PHACTR2: variants seen among roughly 807,000 people sequenced by gnomAD.
The protein encoded by PHACTR2 is phosphatase and actin regulator 2.
PHACTR2 carries 30 observed loss-of-function variants against 76.0 expected under a neutral mutation model. The observed-to-expected ratio is 0.39, with a 90% CI of 0.30 to 0.54. The LOEUF (loss-of-function observed/expected upper bound fraction) is 0.54, where lower values mean the gene tolerates loss of function less well. PHACTR2 is among the 20% of genes least tolerant of loss of function. The probability of loss-of-function intolerance (pLI) is 0.61; values close to 1 mark genes in which losing one functional copy is unlikely to be tolerated. For synonymous variants in PHACTR2, 292 were observed against 292.5 expected, an observed-to-expected ratio of 1.00 and a Z score of 0.02; for missense variants, 696 against 781.1, an observed-to-expected ratio of 0.89 and a Z score of 1.30.
chr6:143,631,813 AG>A lies in PHACTR2; in HGVS notation c.13+23492del, dbSNP rs1776367955. Among the ~76,000 whole-genome samples the A allele has an allele frequency of 2.0e-5, 3 of 152,228 alleles. No individual in the cohort carries two copies. The South Asian group carries it at 6.2e-4, about 32-fold the overall frequency. On this transcript the variant is annotated intron_variant, in intron 1 of 11. Coordinates refer to the PHACTR2 transcript ENST00000305766. ...GGACACACTCTAGAAAACATCATTA[AG>A]AGACAAGCAGAGTAGAAAGAGACAA... is the stretch of plus-strand genomic sequence containing the variant.
intron 1 of PHACTR2, among the ~76,000 whole-genome samples, chr6:143,637,498 A>G (rs1319188346): frequency 2.0e-5 from 3 of 152,242 alleles, no homozygotes; most frequent in Admixed American, 6.5e-5. Flanking sequence ...TTCATTTTCT[A>G]TGTTGCATAA....
Position 143,742,344 on chromosome 6 carries a change from T to G in PHACTR2, c.215-6641T>G, listed in dbSNP as rs998885474. Among the ~76,000 whole-genome samples, 5 of 152,184 alleles carry G rather than the reference T, an allele frequency of 3.3e-5. No individual in the cohort carries two copies. Among genetic ancestry groups the G allele is most frequent in the Admixed American group, 1.3e-4 (2 of 15,274 alleles). ...TTTCCTCCCTGTTGGCTTTTGTTGT[T>G]GTTGTGGTTGTTAACTTCAGTTCTC... On this transcript the variant is annotated intron_variant, in intron 2 of 12. Coordinates refer to ENST00000440869, the MANE Select transcript of PHACTR2 (RefSeq NM_001100164.2). This position sits in a 1 kb window ranked among gnomAD's most constrained non-coding sequence, Gnocchi z 4.5.
intron 1 of PHACTR2, among the ~76,000 whole-genome samples, chr6:143,636,005 C>T (rs948022017): frequency 3.9e-5 from 6 of 152,056 alleles, no homozygotes; most frequent in African/African-American, 1.4e-4. Context: ...GCCAGGAGTT[C>T]GAGGCCAGCC....
At position 143,811,790 on chromosome 6, in the gene PHACTR2, T is replaced by C. The variant is rs148751727; in HGVS notation, c.1922+4657T>C. ...TTCAAGCTGTTTTCAGTAATTCTTT[T>C]AAGGGGAAAAAGTTCTGGTAATCAC... On this transcript the variant is annotated intron_variant, in intron 12 of 12. Transcript: ENST00000440869. This position sits in a 1 kb window ranked among gnomAD's most constrained non-coding sequence, Gnocchi z 4.1. 1.2e-4 allele frequency among the ~76,000 whole-genome samples: 18 copies of C among 152,316 alleles called. No individual in the cohort carries two copies. In the East Asian group the frequency reaches 3.5e-3, roughly 29 times the overall value.
intron 6 of PHACTR2, among the ~76,000 whole-genome samples, chr6:143,771,734 G>A (rs1291709286): frequency 1.3e-5 from 2 of 152,156 alleles, no homozygotes; most frequent in African/African-American, 4.8e-5. Flanking sequence ...ACCGAACCCA[G>A]CCATATATTA....
At chr6:143,604,993 G>GTT (rs72329149), upstream of PHACTR2, among the ~76,000 whole-genome samples, 2,403 of 147,614 alleles carry the variant, frequency 0.016, 42 homozygotes, top group East Asian at 0.091. Context: ...TGCTAATAGG[G>GTT]TTTTTTTTTT....
chr6:143,724,379 G>A (rs537861969), intron 2 of PHACTR2, among the ~76,000 whole-genome samples: 5 of 152,066 alleles, frequency 3.3e-5, no homozygotes, highest in African/African-American at 4.8e-5. Context: ...TGATCCACCC[G>A]CCTCAGCCTC....
At chr6:143,719,632 G>A (rs1273507595) in intron 2 of PHACTR2, among the ~76,000 whole-genome samples, 1 of 149,848 alleles carries the variant, frequency 6.7e-6, no homozygotes, top group African/African-American at 2.5e-5. Flanking sequence ...TTACAGGCGT[G>A]AGCAACCGTG....
At position 143,705,539 on chromosome 6, in the gene PHACTR2, G is replaced by C. The variant is rs112679292; in HGVS notation, c.47-6477G>C. Reference sequence around the variant, plus strand: ...TCGATCTCCTGACCTCGCGTGATCTGCCCACCTCAGCCTTCCAAAGTGCTG... The same window carrying C: ...TCGATCTCCTGACCTCGCGTGATCTCCCCACCTCAGCCTTCCAAAGTGCTG... On this transcript the variant is annotated intron_variant, in intron 1 of 12. Coordinates refer to ENST00000440869, the MANE Select transcript of PHACTR2 (RefSeq NM_001100164.2). 8.5e-3 allele frequency among the ~76,000 whole-genome samples: 1,290 copies of C among 152,160 alleles called. 22 individuals carry two copies. Among genetic ancestry groups the C allele is most frequent in the African/African-American group, 0.029 (1,208 of 41,514 alleles).
At chr6:143,745,898 C>T (rs188098997) in intron 2 of PHACTR2, among the ~76,000 whole-genome samples, 2 of 152,304 alleles carry the variant, frequency 1.3e-5, no homozygotes, top group East Asian at 3.9e-4. Flanking sequence ...GCTGCTGCTT[C>T]AAAGCTCCAG....
At chr6:143,715,527 G>A (rs1199898547) in intron 2 of PHACTR2, among the ~76,000 whole-genome samples, 1 of 152,196 alleles carries the variant, frequency 6.6e-6, no homozygotes, top group Non-Finnish European at 1.5e-5. Context: ...TGGTCTAAAT[G>A]TATTTCTGTG....
chr6:143,818,324 C>T lies in PHACTR2; in HGVS notation c.1923-5350C>T, dbSNP rs554127021. Among the ~76,000 whole-genome samples, 5 of 152,210 alleles carry T rather than the reference C, an allele frequency of 3.3e-5. No individual in the cohort carries two copies. In the South Asian group the frequency reaches 6.2e-4, roughly 19 times the overall value. On this transcript the variant is annotated intron_variant, in intron 12 of 12. Coordinates refer to ENST00000440869, the MANE Select transcript of PHACTR2 (RefSeq NM_001100164.2). This position sits in a 1 kb window ranked among gnomAD's most constrained non-coding sequence, Gnocchi z 4.9. ...TAGGAAGACAGTCTGGAGCATAGCG[C>T]GTCCACTTACCAGCTGTCTCTCTCT...
chr6:143,694,851 G>T (rs1226622426), intron 1 of PHACTR2, among the ~76,000 whole-genome samples: 1 of 152,198 alleles, frequency 6.6e-6, no homozygotes, highest in Non-Finnish European at 1.5e-5. Context: ...TTCCAATGAT[G>T]TCTTCCTATC....
chr6:143,552,207 G>C (rs1375988298), intron 1 of PHACTR2, among the ~76,000 whole-genome samples: 1 of 152,094 alleles, frequency 6.6e-6, no homozygotes, highest in Non-Finnish European at 1.5e-5. Context: ...AAAAAAATTA[G>C]AAGTCTAGGG....
chr6:143,681,864 C>T (rs977871419), intron 1 of PHACTR2, among the ~76,000 whole-genome samples: 3 of 152,312 alleles, frequency 2.0e-5, no homozygotes, highest in East Asian at 1.9e-4. Context: ...GGTGTTCCAC[C>T]GTTGCCAAAA....
intron 1 of PHACTR2, among the ~76,000 whole-genome samples, chr6:143,538,656 G>C (rs1781142032): frequency 6.6e-6 from 1 of 152,178 alleles, no homozygotes; most frequent in South Asian, 2.1e-4. Flanking sequence ...TGAGCTTCCT[G>C]TTCAAAAAAG....
At chr6:143,762,625 A>C (rs776009257) in intron 5 of PHACTR2, among the ~76,000 whole-genome samples, 1 of 152,228 alleles carries the variant, frequency 6.6e-6, no homozygotes, top group Non-Finnish European at 1.5e-5. Flanking sequence ...TTATTTGAAT[A>C]ATATGGACCT....
rs1208340828 is a variant in PHACTR2, at chr6:143,793,313, G to T, written c.1845+4403G>T. Among the ~76,000 whole-genome samples, 1 of 151,894 alleles carries T rather than the reference G, an allele frequency of 6.6e-6. No homozygotes were observed. The highest frequency in any genetic ancestry group is 1.5e-5 in the Non-Finnish European group (1 of 67,982). On this transcript the variant is annotated intron_variant, in intron 11 of 12. Coordinates refer to ENST00000440869, the MANE Select transcript of PHACTR2 (RefSeq NM_001100164.2). This position sits in a 1 kb window ranked among gnomAD's most constrained non-coding sequence, Gnocchi z 4.4. ...GAAACAAAAATGGGATTTTGTTCTG[G>T]ACTTCTAGGTTGCAGGGGAAAGGTA...
Position 143,789,065 on chromosome 6 carries a change from A to G in PHACTR2, c.1845+155A>G, listed in dbSNP as rs552940411. Reference sequence around the variant, plus strand: ...ATTATTTAAGCCACTTAAGTGATACATTTAGTGATATCAATGTAGTTCTTT... The same window carrying G: ...ATTATTTAAGCCACTTAAGTGATACGTTTAGTGATATCAATGTAGTTCTTT... On this transcript the variant is annotated intron_variant, in intron 11 of 12. Transcript: ENST00000440869. This position sits in a 1 kb window ranked among gnomAD's most constrained non-coding sequence, Gnocchi z 5.1. The G allele has an allele frequency of 3.0e-5, 17 of 573,224 alleles. No individual in the cohort carries two copies. Among genetic ancestry groups the G allele is most frequent in the Middle Eastern group, 3.3e-4 (1 of 3,012 alleles). 35.5% of individuals were successfully genotyped at this position (573,224 alleles called of 1,614,324 possible). A position where few individuals can be genotyped will look rare whatever the true frequency, so the allele number is the denominator to read the frequency against.
Sources: allele counts gnomAD v4.1 joint callset (sites outside exome capture counted in the v4.1 genomes callset), GRCh38; gene constraint gnomAD v4.1.1; non-coding constraint Gnocchi (gnomAD v3.1); transcripts MANE v1.5; gene names NCBI Gene and HGNC (gene_info 2026-07-23, HGNC 2026-07-21).